Variants in MLIP observed in about 807,000 individuals in gnomAD.
The protein encoded by MLIP is muscular LMNA-interacting protein.
A neutral mutation model predicts 84.8 loss-of-function variants in MLIP; 79 were observed. That is an observed-to-expected ratio of 0.93 (90% CI 0.78 to 1.12). The LOEUF (loss-of-function observed/expected upper bound fraction) is 1.12, where lower values mean the gene tolerates loss of function less well. Ranked by LOEUF, MLIP falls within the 50% of genes most tolerant of loss-of-function variation. MLIP has a pLI of 0.00. For missense variants in MLIP, 1,257 were observed against 1,160.6 expected (o/e 1.08, Z -1.21); for synonymous variants, 504 against 463.0 (o/e 1.09, Z -1.14).
At chr6:54,186,386 A>T (rs981574352) in intron 9 of MLIP, among the ~76,000 whole-genome samples, 1 of 152,198 alleles carries the variant, frequency 6.6e-6, no homozygotes, top group South Asian at 2.1e-4. Flanking sequence ...TTAGCCTCCC[A>T]TGTAAATGCA....
chr6:54,134,055 T>C (rs1467238514), intron 3 of MLIP, among the ~76,000 whole-genome samples: 2 of 151,996 alleles, frequency 1.3e-5, no homozygotes, highest in Non-Finnish European at 2.9e-5. Flanking sequence ...GTAACAAACC[T>C]TGAGAACAAC....
At chr6:54,217,960 A>T in intron 11 of MLIP, 2 of 985,444 alleles carry the variant, frequency 2.0e-6, no homozygotes, top group Non-Finnish European at 2.4e-6. Flanking sequence ...GTAGGGCACA[A>T]GTTAGACGTG....
chr6:54,210,224 C>G lies in MLIP; in HGVS notation c.2718+7991C>G, dbSNP rs369400206. Among the ~76,000 whole-genome samples the G allele has an allele frequency of 6.0e-4, 91 of 152,286 alleles. No individual in the cohort carries two copies. In the East Asian group the frequency reaches 0.015, roughly 25 times the overall value. On this transcript the variant is annotated intron_variant, in intron 11 of 13. Transcript: ENST00000502396. ...CACAGTTCCTACATACGTTTCAGTT[C>G]TTTCATGGTAAGCTCAATGGACTTT...
intron 1 of MLIP, among the ~76,000 whole-genome samples, chr6:54,119,926 G>A (rs1025109693): frequency 6.6e-6 from 1 of 152,126 alleles, no homozygotes; most frequent in African/African-American, 2.4e-5. Flanking sequence ...CAGTCTCAAA[G>A]GAGAGCATGT....
At chr6:54,181,739 C>T (rs1216040098) in intron 9 of MLIP, among the ~76,000 whole-genome samples, 1 of 152,102 alleles carries the variant, frequency 6.6e-6, no homozygotes, top group Non-Finnish European at 1.5e-5. Flanking sequence ...ATGAGTCCTG[C>T]CAGGACTGGT....
At chr6:54,239,620 A>C (rs937188017) in intron 12 of MLIP, among the ~76,000 whole-genome samples, 2 of 147,812 alleles carry the variant, frequency 1.4e-5, no homozygotes, top group Admixed American at 6.7e-5. Flanking sequence ...TCTACTAAAA[A>C]TACAAAAAAA....
At chr6:54,208,422 C>CA (rs1273976186) in intron 11 of MLIP, among the ~76,000 whole-genome samples, 1 of 150,640 alleles carries the variant, frequency 6.6e-6, no homozygotes, top group Admixed American at 6.6e-5. Context: ...CACATCTCTA[C>CA]AAAAAATTTA....
Position 54,185,138 on chromosome 6 carries a change from T to C in MLIP, c.2545-4732T>C, listed in dbSNP as rs764696552. ...TGCTACAATATTGATGACATAATTA[T>C]AGCTATAACTTCTAATAAACAGCAT... On this transcript the variant is annotated intron_variant, in intron 9 of 13. Transcript: ENST00000502396. 1.5e-4 allele frequency among the ~76,000 whole-genome samples: 23 copies of C among 152,216 alleles called. No homozygotes were observed. The East Asian group carries it at 2.7e-3, about 18-fold the overall frequency.
At chr6:54,028,565 A>G (rs1015349068) in intron 1 of MLIP, among the ~76,000 whole-genome samples, 2 of 152,064 alleles carry the variant, frequency 1.3e-5, no homozygotes, top group African/African-American at 4.8e-5. Flanking sequence ...GGGAAATAAA[A>G]CCTTTTTTCA....
Position 54,050,137 on chromosome 6 carries a change from A to G in MLIP, c.63+31046A>G, listed in dbSNP as rs114390343. Among the ~76,000 whole-genome samples, 1,247 of 152,250 alleles carry G rather than the reference A, an allele frequency of 8.2e-3. 4 individuals are homozygous for G. Among genetic ancestry groups the G allele is most frequent in the African/African-American group, 0.013 (522 of 41,574 alleles). ...GTAAACATCTGAAGCTCTAGTGTCTATTTAAATTCACTTCCCCTCATGTAA... is the reference window on the plus strand; with the variant it reads ...GTAAACATCTGAAGCTCTAGTGTCTGTTTAAATTCACTTCCCCTCATGTAA... On this transcript the variant is annotated intron_variant, in intron 1 of 12. Transcript: ENST00000274897.
chr6:54,187,242 A>G (rs544056539), intron 9 of MLIP, among the ~76,000 whole-genome samples: 38 of 152,320 alleles, frequency 2.5e-4, no homozygotes, highest in African/African-American at 8.4e-4. Context: ...AATGTACTGC[A>G]GGGATGGTTT....
At chr6:54,053,081 T>C (rs556142030) in intron 1 of MLIP, among the ~76,000 whole-genome samples, 1 of 152,334 alleles carries the variant, frequency 6.6e-6, no homozygotes, top group South Asian at 2.1e-4. Flanking sequence ...AGCCCCATTT[T>C]ATAATGAAAG....
intron 4 of MLIP, among the ~76,000 whole-genome samples, chr6:54,140,480 GA>G (rs1435290834): frequency 6.6e-6 from 1 of 152,062 alleles, no homozygotes; most frequent in African/African-American, 2.4e-5. Flanking sequence ...AAATAAGAAT[GA>G]TTATAATTTA....
At chr6:54,169,639 A>ACAG in intron 9 of MLIP, 67 bp downstream of exon 9, 1 of 955,736 alleles carries the variant, frequency 1.0e-6, no homozygotes, top group Non-Finnish European at 1.5e-6. Flanking sequence ...TAGAGAGAAC[A>ACAG]CTATTATACA....
intron 1 of MLIP, among the ~76,000 whole-genome samples, chr6:54,092,088 G>A (rs571062525): frequency 6.6e-6 from 1 of 152,222 alleles, no homozygotes; most frequent in African/African-American, 2.4e-5. Context: ...ATCCAAGAGA[G>A]AGGATTAAAA....
At chr6:54,084,809 T>G (rs1219758177) in intron 1 of MLIP, among the ~76,000 whole-genome samples, 2 of 152,084 alleles carry the variant, frequency 1.3e-5, no homozygotes, top group Non-Finnish European at 2.9e-5. Context: ...CGGGAGCAAA[T>G]GGATGGTGGA....
At chr6:54,085,489 T>C (rs1767426627) in intron 1 of MLIP, among the ~76,000 whole-genome samples, 3 of 152,236 alleles carry the variant, frequency 2.0e-5, no homozygotes, top group Admixed American at 2.0e-4. Flanking sequence ...TTTGTGTTTA[T>C]CATGATATCA....
intron 9 of MLIP, among the ~76,000 whole-genome samples, chr6:54,173,773 T>G (rs1167783071): frequency 6.6e-6 from 1 of 151,982 alleles, no homozygotes; most frequent in East Asian, 1.9e-4. Context: ...AATTAAATTA[T>G]TATTGACTAT....
intron 9 of MLIP, among the ~76,000 whole-genome samples, chr6:54,179,917 TC>T (rs1412359870): frequency 6.6e-6 from 1 of 152,210 alleles, no homozygotes; most frequent in Non-Finnish European, 1.5e-5. Flanking sequence ...GATGATTTCT[TC>T]CTGCTCATTA....
Sources: allele counts gnomAD v4.1 joint callset (sites outside exome capture counted in the v4.1 genomes callset), GRCh38; gene constraint gnomAD v4.1.1; transcripts MANE v1.5; gene names NCBI Gene and HGNC (gene_info 2026-07-23, HGNC 2026-07-21).